The following FOXP2 variants were observed in gnomAD, a reference collection of about 807,000 sequenced individuals.
FOXP2 encodes the protein forkhead box protein P2.
Under a neutral mutation model 115.8 loss-of-function variants are expected in FOXP2, and 12 were observed. The ratio of observed to expected loss-of-function variants is 0.10; its 90% CI spans 0.07 to 0.17. The LOEUF (loss-of-function observed/expected upper bound fraction) is 0.17, where lower values mean the gene tolerates loss of function less well. Among genes scored for constraint, FOXP2 ranks in the 10% least tolerant of loss-of-function variants. FOXP2 has a pLI of 1.00. For synonymous variants in FOXP2, 328 were observed against 297.7 expected (o/e 1.10, Z -1.05); for missense variants, 629 against 843.5 (o/e 0.75, Z 3.15).
intron 3 of FOXP2, among the ~76,000 whole-genome samples, chr7:114,580,790 T>A (rs988196730): frequency 1.3e-5 from 2 of 152,082 alleles, no homozygotes; most frequent in African/African-American, 4.8e-5. Context: ...AGTAGGAAGT[T>A]GAAAGTGACA....
At chr7:114,203,585 C>T (rs1402458063) in intron 1 of FOXP2, among the ~76,000 whole-genome samples, 1 of 152,102 alleles carries the variant, frequency 6.6e-6, no homozygotes, top group Non-Finnish European at 1.5e-5. Flanking sequence ...CTCAAGTGAT[C>T]CTCCCATCTC....
intron 1 of FOXP2, among the ~76,000 whole-genome samples, chr7:114,136,357 TA>T (rs1300247518): frequency 6.6e-6 from 1 of 152,064 alleles, no homozygotes; most frequent in African/African-American, 2.4e-5. Context: ...CAGCTTCAAT[TA>T]ACTTTAAATG....
At chr7:114,385,098 C>T (rs1027048687) in intron 2 of FOXP2, among the ~76,000 whole-genome samples, 2 of 151,922 alleles carry the variant, frequency 1.3e-5, no homozygotes, top group East Asian at 3.9e-4. Flanking sequence ...AAACTCGGGG[C>T]CCTGGCAAGG....
At chr7:114,370,617 A>G (rs559584561) in intron 2 of FOXP2, among the ~76,000 whole-genome samples, 18 of 152,338 alleles carry the variant, frequency 1.2e-4, no homozygotes, top group African/African-American at 4.3e-4. Flanking sequence ...TGGCAAAATC[A>G]AATGGTAACA....
In FOXP2 at chr7:114,210,518, C is replaced by T. The variant is rs760124567; in HGVS notation, c.-102+47430C>T. ...GGAAAGATGGCAGCCAAATTTTTGC[C>T]CTGGAAGCTGTATGTCCCAGGGAAG... On this transcript the variant is annotated intron_variant, in intron 1 of 17. Transcript: ENST00000634411. Among the ~76,000 whole-genome samples, 18 of 152,030 alleles carry T rather than the reference C, an allele frequency of 1.2e-4. 1 individual carries two copies. Among genetic ancestry groups the T allele is most frequent in the Admixed American group, 2.0e-4 (3 of 15,268 alleles).
chr7:114,448,735 T>C (rs544451951), intron 2 of FOXP2, among the ~76,000 whole-genome samples: 6 of 152,262 alleles, frequency 3.9e-5, no homozygotes, highest in African/African-American at 1.4e-4. Flanking sequence ...AACTCGGTAT[T>C]TAATTAGTAC....
At chr7:114,383,086 C>T (rs549404680) in intron 2 of FOXP2, among the ~76,000 whole-genome samples, 113 of 151,962 alleles carry the variant, frequency 7.4e-4, no homozygotes, top group African/African-American at 2.6e-3. Flanking sequence ...TACCAGAGAT[C>T]GCCAAACTCT....
chr7:114,540,476 T>G (rs1799600233), intron 3 of FOXP2, among the ~76,000 whole-genome samples: 1 of 152,010 alleles, frequency 6.6e-6, no homozygotes, highest in Non-Finnish European at 1.5e-5. Context: ...ATCCATTCAT[T>G]CAGTATAAAT....
intron 2 of FOXP2, among the ~76,000 whole-genome samples, chr7:114,384,790 G>C (rs1021243696): frequency 2.0e-5 from 3 of 151,420 alleles, no homozygotes; most frequent in Admixed American, 6.6e-5. Flanking sequence ...CGCTCACAAC[G>C]AGGTTTCCTC....
chr7:114,679,317 A>T (rs969168761), intron 16 of FOXP2, among the ~76,000 whole-genome samples: 4 of 152,200 alleles, frequency 2.6e-5, no homozygotes, highest in Non-Finnish European at 2.9e-5. Context: ...TCCACAATCT[A>T]TAAATTCTTC....
intron 2 of FOXP2, among the ~76,000 whole-genome samples, chr7:114,451,412 T>C (rs1275155696): frequency 3.3e-5 from 5 of 152,058 alleles, no homozygotes; most frequent in Non-Finnish European, 7.4e-5. Context: ...TATTGTTTGA[T>C]GAAATGAGGA....
At chr7:114,588,938 T>G (rs1008321470) in intron 3 of FOXP2, among the ~76,000 whole-genome samples, 5 of 152,230 alleles carry the variant, frequency 3.3e-5, no homozygotes, top group Non-Finnish European at 7.3e-5. Flanking sequence ...AGGAATTTAG[T>G]GATTTTTCGT....
In FOXP2 at chr7:114,274,761, A is replaced by G. The variant is rs546182125; in HGVS notation, c.-101-13258A>G. ...CACCCAGGTAGCTGGGACTGCAGGC[A>G]TGCACCACCATGCCCGACTAGTTTT... On this transcript the variant is annotated intron_variant, in intron 1 of 17. Coordinates refer to the FOXP2 transcript ENST00000634411. Among the ~76,000 whole-genome samples, 63 of 151,308 alleles carry G rather than the reference A, an allele frequency of 4.2e-4. 1 individual carries two copies. The South Asian group carries it at 0.012, about 30-fold the overall frequency.
chr7:114,390,094 T>G (rs1792554811), intron 2 of FOXP2, among the ~76,000 whole-genome samples: 1 of 149,536 alleles, frequency 6.7e-6, no homozygotes, highest in Admixed American at 6.7e-5. Context: ...TTTTCTGTGG[T>G]GTAAATATTG....
At chr7:114,247,528 G>T (rs1415507536) in intron 1 of FOXP2, among the ~76,000 whole-genome samples, 1 of 151,996 alleles carries the variant, frequency 6.6e-6, no homozygotes, top group East Asian at 1.9e-4. Flanking sequence ...CTCCTTTAGT[G>T]AATCACAATT....
chr7:114,480,331 C>T (rs1314827821), intron 2 of FOXP2, among the ~76,000 whole-genome samples: 1 of 151,254 alleles, frequency 6.6e-6, no homozygotes, highest in African/African-American at 2.4e-5. Flanking sequence ...TAAAGTCTAC[C>T]ATGTAAAAAA....
At chr7:114,186,806 A>C (rs957772930) in intron 1 of FOXP2, among the ~76,000 whole-genome samples, 7 of 152,156 alleles carry the variant, frequency 4.6e-5, no homozygotes, top group Non-Finnish European at 1.0e-4. Flanking sequence ...CGCCATGTGG[A>C]CACTGCCAAG....
intron 2 of FOXP2, among the ~76,000 whole-genome samples, chr7:114,393,157 A>T (rs1165933732): frequency 6.6e-6 from 1 of 151,942 alleles, no homozygotes; most frequent in East Asian, 1.9e-4. Context: ...TGGATAAGTT[A>T]TTACTTATGT....
At chr7:114,211,504 T>A (rs1346279006) in intron 1 of FOXP2, among the ~76,000 whole-genome samples, 1 of 152,190 alleles carries the variant, frequency 6.6e-6, no homozygotes, top group African/African-American at 2.4e-5. Context: ...GGTTGAGCTG[T>A]TTGCCTAGTC....
Sources: gnomAD v4.1 joint callset for allele counts (sites outside exome capture counted in the v4.1 genomes callset) on GRCh38, gnomAD v4.1.1 for gene constraint, MANE v1.5 for transcripts, NCBI Gene and HGNC (gene_info 2026-07-23, HGNC 2026-07-21) for gene names.